NBEA: variants seen among roughly 807,000 people sequenced by gnomAD.
The protein encoded by NBEA is neurobeachin.
In NBEA, 44 loss-of-function variants were observed where a neutral mutation model predicts 343.4. That is an observed-to-expected ratio of 0.13 (90% CI 0.10 to 0.16). The LOEUF (loss-of-function observed/expected upper bound fraction) is 0.16, where lower values mean the gene tolerates loss of function less well. NBEA is among the 10% of genes least tolerant of loss of function. The probability of loss-of-function intolerance (pLI) is 1.00; values close to 1 mark genes in which losing one functional copy is unlikely to be tolerated. For synonymous variants in NBEA, 1,175 were observed against 1,238.7 expected, an observed-to-expected ratio of 0.95 and a Z score of 1.08; for missense variants, 2,555 against 3,631.3, an observed-to-expected ratio of 0.70 and a Z score of 7.62.
At chr13:35,446,827 A>G (rs544634726) in intron 39 of NBEA, among the ~76,000 whole-genome samples, 5 of 152,092 alleles carry the variant, frequency 3.3e-5, no homozygotes, top group African/African-American at 1.2e-4. Context: ...ATATAAATAT[A>G]CCTATATATA....
intron 1 of NBEA, among the ~76,000 whole-genome samples, chr13:34,954,015 A>T (rs1336228820): frequency 1.3e-5 from 2 of 151,730 alleles, no homozygotes; most frequent in Non-Finnish European, 2.9e-5. Flanking sequence ...TTCCCCCTGA[A>T]CCCCCCTATT....
In NBEA at chr13:35,002,137, G is replaced by C. The variant is rs567999770; in HGVS notation, c.295-38796G>C. On this transcript the variant is annotated intron_variant, in intron 1 of 58. Transcript: ENST00000379939. ...TTCACCTCCAAAAAAGGTACCCTCA[G>C]AATGGGAGCTCAGGGGTCCCATCTG... Among the ~76,000 whole-genome samples, 3 of 152,254 alleles carry C rather than the reference G, an allele frequency of 2.0e-5. No homozygotes were observed. In the East Asian group the frequency reaches 5.8e-4, roughly 29 times the overall value.
intron 47 of NBEA, among the ~76,000 whole-genome samples, chr13:35,604,559 T>C (rs2082202507): frequency 1.3e-5 from 2 of 149,548 alleles, no homozygotes; most frequent in South Asian, 4.3e-4. Flanking sequence ...TTCTCCAATC[T>C]CTCCTTTACT....
chr13:35,318,346 C>T (rs2037891025), intron 36 of NBEA, among the ~76,000 whole-genome samples: 1 of 152,098 alleles, frequency 6.6e-6, no homozygotes, highest in African/African-American at 2.4e-5. Context: ...TTTTTGACAT[C>T]TATTGAGATA....
chr13:34,957,423 G>A (rs961232725), intron 1 of NBEA, among the ~76,000 whole-genome samples: 5 of 152,068 alleles, frequency 3.3e-5, no homozygotes, highest in African/African-American at 1.2e-4. Context: ...CCTAAAAATC[G>A]ATTTGTGGAC....
chr13:35,178,927 T>C (rs2071113265), intron 28 of NBEA, among the ~76,000 whole-genome samples: 1 of 151,544 alleles, frequency 6.6e-6, no homozygotes, highest in African/African-American at 2.4e-5. Context: ...ATTAAAAACA[T>C]GGAGCTCATC....
intron 41 of NBEA, among the ~76,000 whole-genome samples, chr13:35,539,116 T>A (rs2153003718): frequency 6.6e-6 from 1 of 152,322 alleles, no homozygotes; most frequent in South Asian, 2.1e-4. Context: ...TGTGCTAGGC[T>A]CTGTGCTAAG....
At chr13:35,343,669 G>T (rs2039716449) in intron 36 of NBEA, among the ~76,000 whole-genome samples, 2 of 152,060 alleles carry the variant, frequency 1.3e-5, no homozygotes, top group South Asian at 4.1e-4. Context: ...ATCAGTGGCA[G>T]TATTAGATTA....
intron 49 of NBEA, among the ~76,000 whole-genome samples, chr13:35,640,731 G>C (rs1455339607): frequency 3.9e-5 from 6 of 152,168 alleles, no homozygotes; most frequent in Non-Finnish European, 8.8e-5. Context: ...TCTATATACA[G>C]ATAAGCAGGT....
At chr13:35,402,266 G>C (rs1217524829) in intron 38 of NBEA, among the ~76,000 whole-genome samples, 3 of 151,746 alleles carry the variant, frequency 2.0e-5, no homozygotes, top group Non-Finnish European at 4.4e-5. Flanking sequence ...TACCTGAATA[G>C]TAAAAATGAG....
At chr13:35,006,947 G>A (rs187100387) in intron 1 of NBEA, among the ~76,000 whole-genome samples, 149 of 152,260 alleles carry the variant, frequency 9.8e-4, no homozygotes, top group African/African-American at 3.4e-3. Flanking sequence ...GAGGACTTGT[G>A]TTGTCATCTG....
intron 34 of NBEA, among the ~76,000 whole-genome samples, chr13:35,267,691 G>A (rs955344622): frequency 2.0e-5 from 3 of 151,664 alleles, no homozygotes; most frequent in Non-Finnish European, 2.9e-5. Context: ...AAAGACTTGA[G>A]TAGACATTTT....
chr13:35,567,401 TATA>T (rs1290969161), intron 45 of NBEA, among the ~76,000 whole-genome samples: 1 of 152,130 alleles, frequency 6.6e-6, no homozygotes, highest in Non-Finnish European at 1.5e-5. Context: ...TGTAGGGAAA[TATA>T]ATACTGAAAA....
intron 36 of NBEA, among the ~76,000 whole-genome samples, chr13:35,337,339 CAAAAG>C (rs763389696): frequency 5.9e-5 from 9 of 151,906 alleles, no homozygotes; most frequent in Non-Finnish European, 1.3e-4. Context: ...AAATAGAACT[CAAAAG>C]AACGGATGAC....
intron 1 of NBEA, among the ~76,000 whole-genome samples, chr13:35,018,003 C>A (rs571804326): frequency 6.6e-6 from 1 of 152,148 alleles, no homozygotes; most frequent in East Asian, 1.9e-4. Flanking sequence ...TATCTTGTCA[C>A]CTTTGTCTCA....
intron 8 of NBEA, among the ~76,000 whole-genome samples, chr13:35,066,822 A>G (rs1377551686): frequency 6.6e-6 from 1 of 151,732 alleles, no homozygotes; most frequent in African/African-American, 2.4e-5. Flanking sequence ...TTTGTTAGCT[A>G]TGTGTCTCAT....
intron 38 of NBEA, among the ~76,000 whole-genome samples, chr13:35,388,144 A>G (rs2042335290): frequency 6.6e-6 from 1 of 152,146 alleles, no homozygotes; most frequent in Admixed American, 6.5e-5. Flanking sequence ...CCTACTAGGT[A>G]ACCTTTGATC....
At chr13:35,653,611 G>T (rs936283905) in intron 53 of NBEA, among the ~76,000 whole-genome samples, 1 of 152,140 alleles carries the variant, frequency 6.6e-6, no homozygotes, top group African/African-American at 2.4e-5. Context: ...GATTACAGAC[G>T]TGAGCCACCA....
chr13:35,237,198 T>C (rs1245561583), intron 34 of NBEA, among the ~76,000 whole-genome samples: 1 of 152,008 alleles, frequency 6.6e-6, no homozygotes, highest in Non-Finnish European at 1.5e-5. Flanking sequence ...GAGGCTGCAG[T>C]GAGCCACGAT....
Sources: gnomAD v4.1 joint callset for allele counts (sites outside exome capture counted in the v4.1 genomes callset) on GRCh38, gnomAD v4.1.1 for gene constraint, MANE v1.5 for transcripts, NCBI Gene and HGNC (gene_info 2026-07-23, HGNC 2026-07-21) for gene names.